ERI1: variants seen among roughly 807,000 people sequenced by gnomAD.
ERI1 encodes the protein 3'-5' exoribonuclease 1.
A neutral mutation model predicts 39.7 loss-of-function variants in ERI1; 39 were observed. The observed-to-expected ratio is 0.98, with a 90% CI of 0.76 to 1.28. The LOEUF is 1.28. Ranked by LOEUF, ERI1 falls within the 50% of genes most tolerant of loss-of-function variation. The pLI is 0.00. For missense variants in ERI1, 581 were observed against 416.9 expected (o/e 1.39, Z -3.43); for synonymous variants, 204 against 149.6 (o/e 1.36, Z -2.65).
At chr8:9,058,815 TAAA>T (rs1798593639) in intron 3 of ERI1, among the ~76,000 whole-genome samples, 2 of 150,088 alleles carry the variant, frequency 1.3e-5, no homozygotes, top group Non-Finnish European at 3.0e-5. Context: ...CCAAAAAAAA[TAAA>T]TAAATAAACA....
chr8:9,026,478 C>A (rs1487628599), intron 6 of ERI1, among the ~76,000 whole-genome samples: 10 of 152,148 alleles, frequency 6.6e-5, no homozygotes. Flanking sequence ...TGGAGGCGTA[C>A]AGTATTTGAT....
chr8:9,074,180 G>A lies in ERI1; in HGVS notation n.300-42168G>A, dbSNP rs147057318. 5.0e-3 allele frequency among the ~76,000 whole-genome samples: 765 copies of A among 151,942 alleles called. 2 individuals are homozygous for A. Among genetic ancestry groups the A allele is most frequent in the Non-Finnish European group, 8.3e-3 (563 of 67,960 alleles). On this transcript the variant is annotated intron_variant and non_coding_transcript_variant, in intron 3 of 3. Coordinates refer to the ERI1 transcript ENST00000518663. ...TACTGGAGTATGGTGGTGCAATCTC[G>A]GCTCACTGCAACCTCCGCCTCCCAG...
downstream of ERI1, among the ~76,000 whole-genome samples, chr8:9,038,304 G>A (rs1797914514): frequency 6.6e-6 from 1 of 152,094 alleles, no homozygotes; most frequent in Non-Finnish European, 1.5e-5. Flanking sequence ...CATAGTTTCA[G>A]TTACCCAAGG....
At chr8:9,016,201 G>C (rs1199026137) in intron 3 of ERI1, 121 bp from the exon 4 acceptor site, 2 of 467,294 alleles carry the variant, frequency 4.3e-6, no homozygotes, top group African/African-American at 2.0e-5. Context: ...TTAAAAACTG[G>C]AAGGGTTTAT....
intron 3 of ERI1, among the ~76,000 whole-genome samples, chr8:9,090,554 GT>G (rs1336913432): frequency 6.6e-6 from 1 of 152,178 alleles, no homozygotes; most frequent in East Asian, 1.9e-4. Context: ...TGAAGATGAT[GT>G]TTTAGGAGTA....
chr8:9,054,711 G>A (rs1166650755), intron 3 of ERI1, among the ~76,000 whole-genome samples: 1 of 152,230 alleles, frequency 6.6e-6, no homozygotes, highest in East Asian at 1.9e-4. Context: ...GATCACTTGA[G>A]GCCAAGAGTT....
chr8:9,019,395 C>A (rs1303397910), intron 5 of ERI1, among the ~76,000 whole-genome samples: 1 of 152,148 alleles, frequency 6.6e-6, no homozygotes. Flanking sequence ...TGTTTATGGA[C>A]CTCTTTAGAA....
At chr8:9,082,036 C>T (rs548289439) in intron 3 of ERI1, among the ~76,000 whole-genome samples, 1 of 152,210 alleles carries the variant, frequency 6.6e-6, no homozygotes, top group East Asian at 1.9e-4. Flanking sequence ...CTGTGTCCCC[C>T]CACCCCATTA....
chr8:9,064,338 C>T (rs1307960374), intron 3 of ERI1, among the ~76,000 whole-genome samples: 1 of 151,980 alleles, frequency 6.6e-6, no homozygotes, highest in Non-Finnish European at 1.5e-5. Context: ...GCGGTACTTG[C>T]CGCTAAGGGT....
rs556333542 is a variant in ERI1, at chr8:9,016,042, A to T, written c.499-280A>T. Among the ~76,000 whole-genome samples, 86 of 152,270 alleles carry T rather than the reference A, an allele frequency of 5.6e-4. 1 individual carries two copies. The highest frequency in any genetic ancestry group is 2.0e-3 in the African/African-American group (83 of 41,554). On this transcript the variant is annotated intron_variant, in intron 3 of 6. Transcript: ENST00000250263. The stretch of plus-strand genomic sequence containing the variant: ...TATAGTTTTAAAATATTATGAACAA[A>T]ATTATTAATATTTTGTTCCTCAGGA...
Position 9,030,017 on chromosome 8 carries a change from C to T in ERI1, c.1033C>T (p.Pro345Ser), listed in dbSNP as rs1379052294. Reference protein sequence around the residue: ...PIEGTPPPQMPHFRK With the variant: ...PIEGTPPPQMSHFRK ...AGAGGGCACTCCACCACCACAAATG[C>T]CACATTTTAGAAAGTAACAACAGTT... Residue 345 changes from proline (P) to serine (S), a missense_variant, in exon 7 of 7, where the codon CCA becomes TCA. Coordinates refer to ENST00000250263, the MANE Select transcript of ERI1 (RefSeq NM_153332.4). The T allele has an allele frequency of 1.8e-5, 28 of 1,595,374 alleles. No individual in the cohort carries two copies. Among genetic ancestry groups the T allele is most frequent in the Non-Finnish European group, 2.2e-5 (26 of 1,171,738 alleles).
In ERI1 at chr8:9,008,116, A is replaced by C. The variant is rs776054694; in HGVS notation, c.255A>C (p.Arg85Ser). 2.5e-6 allele frequency: 4 copies of C among 1,598,906 alleles called. No homozygotes were observed. The highest frequency in any genetic ancestry group is 3.4e-6 in the Non-Finnish European group (4 of 1,174,956). The change falls in exon 2 of 7, where the codon AGA becomes AGC. Residue 85 changes from arginine (R) to serine (S), a missense_variant. Coordinates refer to ENST00000250263, the MANE Select transcript of ERI1 (RefSeq NM_153332.4). The stretch of plus-strand genomic sequence containing the variant: ...ATAGAATGAGTAAGGAAGAACTCAG[A>C]GCTAAGCTTTCAGAATTCAAGCTTG... ...CINRMSKEEL[R>S]AKLSEFKLET...
At chr8:9,048,259 C>G (rs1047169916) in intron 3 of ERI1, among the ~76,000 whole-genome samples, 1 of 144,610 alleles carries the variant, frequency 6.9e-6, no homozygotes, top group African/African-American at 2.4e-5. Context: ...CTGAGAGCAG[C>G]TTGGGCATAG....
intron 4 of ERI1, 29 bp downstream of exon 4, chr8:9,016,434 GT>G: frequency 7.4e-7 from 1 of 1,353,602 alleles, no homozygotes. Context: ...TCTTTCTAGA[GT>G]TTGAAAGAGT....
chr8:9,042,627 C>T (rs1031522378), intron 3 of ERI1, among the ~76,000 whole-genome samples: 4 of 151,990 alleles, frequency 2.6e-5, no homozygotes, highest in African/African-American at 9.7e-5. Context: ...TGCGATGGGT[C>T]CTTGTGTCCA....
At chr8:9,051,581 C>T (rs1222717917) in intron 3 of ERI1, among the ~76,000 whole-genome samples, 3 of 151,616 alleles carry the variant, frequency 2.0e-5, no homozygotes, top group African/African-American at 7.3e-5. Flanking sequence ...CACTTGAACC[C>T]AGGAGGCAGA....
At chr8:9,089,250 C>T (rs73662296) in intron 3 of ERI1, among the ~76,000 whole-genome samples, 2 of 152,106 alleles carry the variant, frequency 1.3e-5, no homozygotes, top group African/African-American at 4.8e-5. Context: ...CCATTCTCAC[C>T]TTCTTTAATT....
intron 3 of ERI1, among the ~76,000 whole-genome samples, chr8:9,083,032 A>T (rs1799416404): frequency 6.6e-6 from 1 of 152,226 alleles, no homozygotes; most frequent in African/African-American, 2.4e-5. Context: ...ATGGGACATA[A>T]GTATACTAAA....
At chr8:9,020,262 C>G in intron 5 of ERI1, 88 bp from the exon 6 acceptor site, 1 of 602,788 alleles carries the variant, frequency 1.7e-6, no homozygotes, top group Non-Finnish European at 2.7e-6. Context: ...AGAAAGTTGA[C>G]ATATATAAAT....
Sources: allele counts gnomAD v4.1 joint callset (sites outside exome capture counted in the v4.1 genomes callset), GRCh38; gene constraint gnomAD v4.1.1; transcripts MANE v1.5; gene names NCBI Gene and HGNC (gene_info 2026-07-23, HGNC 2026-07-21).